DPP10: variants seen among roughly 807,000 people sequenced by gnomAD.
DPP10 encodes dipeptidyl peptidase like 10.
Under a neutral mutation model 120.9 loss-of-function variants are expected in DPP10, and 33 were observed. The observed-to-expected ratio is 0.27, with a 90% CI of 0.21 to 0.37. The LOEUF is 0.37. Ranked by LOEUF, DPP10 falls within the 10% of genes least tolerant of loss-of-function variation. The pLI is 1.00. For synonymous variants in DPP10, 337 were observed against 326.1 expected (o/e 1.03, Z -0.36); for missense variants, 816 against 942.8 (o/e 0.87, Z 1.76).
At chr2:115,386,494 C>CAAAAG (rs1369442442) in intron 3 of DPP10, among the ~76,000 whole-genome samples, 1 of 151,532 alleles carries the variant, frequency 6.6e-6, no homozygotes, top group Non-Finnish European at 1.5e-5. Context: ...AATGACAAGA[C>CAAAAG]AAAAGAAAAG....
At chr2:115,813,942 G>A (rs1374026942) in intron 19 of DPP10, among the ~76,000 whole-genome samples, 2 of 152,162 alleles carry the variant, frequency 1.3e-5, no homozygotes, top group African/African-American at 2.4e-5. Context: ...TCTATCACAT[G>A]CACAACTTCC....
At chr2:114,668,133 T>C (rs989892305) in intron 1 of DPP10, among the ~76,000 whole-genome samples, 1 of 152,068 alleles carries the variant, frequency 6.6e-6, no homozygotes, top group African/African-American at 2.4e-5. Context: ...AATGGGCTCA[T>C]GTGATCGCTG....
At chr2:114,965,786 G>A (rs1055788735) in intron 1 of DPP10, among the ~76,000 whole-genome samples, 1 of 151,646 alleles carries the variant, frequency 6.6e-6, no homozygotes, top group Non-Finnish European at 1.5e-5. Context: ...AGACCACGGT[G>A]AAACCCTGTC....
chr2:115,511,890 C>A (rs1278515203), intron 4 of DPP10, among the ~76,000 whole-genome samples: 1 of 151,256 alleles, frequency 6.6e-6, no homozygotes, highest in African/African-American at 2.4e-5. Flanking sequence ...CCATTCCCAG[C>A]TAATTTTTTT....
intron 1 of DPP10, among the ~76,000 whole-genome samples, chr2:114,526,018 G>A (rs1685471437): frequency 6.6e-6 from 1 of 152,164 alleles, no homozygotes; most frequent in Non-Finnish European, 1.5e-5. Flanking sequence ...AATCGATAAG[G>A]TTAGGAATCT....
rs554936721 is a variant in DPP10, at chr2:114,749,000, A to G, written c.60+306162A>G. On this transcript the variant is annotated intron_variant, in intron 1 of 25. Coordinates refer to ENST00000410059, the MANE Select transcript of DPP10 (RefSeq NM_020868.6). ...CCACACTGACTTCCACAATGGTTGA[A>G]CTAGTTTACAGTCCCACCAACAGTG... 2.0e-4 allele frequency among the ~76,000 whole-genome samples: 27 copies of G among 131,814 alleles called. No individual in the cohort carries two copies. In the East Asian group the frequency reaches 3.5e-3, roughly 17 times the overall value. The allele number at this position is 131,814 out of a possible 152,430, so 86.5% of individuals were successfully genotyped here.
In DPP10 at chr2:115,766,332, ATATATG is replaced by A. The variant is rs1484358762; in HGVS notation, c.1114-1959_1114-1954del. ...TGTGTATATATATATATATGTATATATATATGTATATATATATATATATCACTCTAT... is the reference window on the plus strand; with the variant it reads ...TGTGTATATATATATATATGTATATATATATATATATATATATCACTCTAT... On this transcript the variant is annotated intron_variant, in intron 12 of 25. Transcript: ENST00000410059. Among the ~76,000 whole-genome samples the A allele has an allele frequency of 6.8e-3, 621 of 91,448 alleles. 4 individuals carry two copies. The highest frequency in any genetic ancestry group is 0.015 in the African/African-American group (431 of 28,950). 60.0% of individuals were successfully genotyped at this position (91,448 alleles called of 152,430 possible).
intron 2 of DPP10, among the ~76,000 whole-genome samples, chr2:115,321,936 T>A (rs1007488223): frequency 6.6e-6 from 1 of 152,172 alleles, no homozygotes; most frequent in Non-Finnish European, 1.5e-5. Context: ...TACATTGTTA[T>A]TCTGGTTTCC....
chr2:115,378,477 A>G (rs995182757), intron 3 of DPP10, among the ~76,000 whole-genome samples: 3 of 151,874 alleles, frequency 2.0e-5, no homozygotes, highest in Non-Finnish European at 2.9e-5. Context: ...TTTTCTAGAT[A>G]TAGAATCATG....
chr2:115,315,977 C>A (rs917648869), intron 2 of DPP10, among the ~76,000 whole-genome samples: 1 of 152,128 alleles, frequency 6.6e-6, no homozygotes, highest in African/African-American at 2.4e-5. Flanking sequence ...ATATTTAAGC[C>A]ATATGTGATT....
intron 1 of DPP10, among the ~76,000 whole-genome samples, chr2:114,721,836 G>T (rs1189357045): frequency 6.6e-6 from 1 of 152,152 alleles, no homozygotes; most frequent in Admixed American, 6.5e-5. Context: ...ATATTTAATG[G>T]TTTGCATCCA....
chr2:114,445,256 C>A (rs866558308), intron 1 of DPP10, among the ~76,000 whole-genome samples: 7 of 152,058 alleles, frequency 4.6e-5, no homozygotes, highest in Non-Finnish European at 1.0e-4. Flanking sequence ...ATCTGGTTGG[C>A]CTGCAGGTAA....
chr2:115,298,491 AT>A (rs1249808643), intron 1 of DPP10, among the ~76,000 whole-genome samples: 3 of 152,022 alleles, frequency 2.0e-5, no homozygotes, highest in Non-Finnish European at 4.4e-5. Flanking sequence ...GGGTTCTCCA[AT>A]TTGAGTGTGC....
chr2:114,845,929 T>G (rs926211551), intron 1 of DPP10, among the ~76,000 whole-genome samples: 4 of 152,088 alleles, frequency 2.6e-5, no homozygotes, highest in African/African-American at 9.7e-5. Context: ...ATAAGGAGCT[T>G]GGGGAGTTAT....
chr2:115,702,022 C>A (rs1019635583), intron 7 of DPP10, among the ~76,000 whole-genome samples: 2 of 151,996 alleles, frequency 1.3e-5, no homozygotes, highest in African/African-American at 4.8e-5. Context: ...CCTATATAAT[C>A]ATCAAAAGTT....
intron 3 of DPP10, among the ~76,000 whole-genome samples, chr2:115,394,500 G>C (rs1228168909): frequency 6.6e-6 from 1 of 150,628 alleles, no homozygotes; most frequent in Non-Finnish European, 1.5e-5. Flanking sequence ...AAAAGAAAGG[G>C]AAAGCATTAC....
At chr2:115,667,825 C>CTTATA (rs936756830) in intron 5 of DPP10, among the ~76,000 whole-genome samples, 5 of 151,646 alleles carry the variant, frequency 3.3e-5, no homozygotes, top group African/African-American at 9.7e-5. Context: ...TTCCTTCTTT[C>CTTATA]TTATATTATA....
intron 1 of DPP10, among the ~76,000 whole-genome samples, chr2:114,925,018 T>C (rs1695503090): frequency 6.6e-6 from 1 of 152,140 alleles, no homozygotes; most frequent in Non-Finnish European, 1.5e-5. Flanking sequence ...GAGACCAGCC[T>C]GGCTAACACG....
chr2:115,765,580 A>G (rs2149801137), intron 12 of DPP10, among the ~76,000 whole-genome samples: 1 of 152,282 alleles, frequency 6.6e-6, no homozygotes, highest in Middle Eastern at 3.4e-3. Flanking sequence ...TAGTTTTTAG[A>G]ATATCTGAGG....
Sources: allele counts gnomAD v4.1 joint callset (sites outside exome capture counted in the v4.1 genomes callset), GRCh38; gene constraint gnomAD v4.1.1; transcripts MANE v1.5; gene names NCBI Gene and HGNC (gene_info 2026-07-23, HGNC 2026-07-21).